HTR1E: variants seen among roughly 807,000 people sequenced by gnomAD.
The protein encoded by HTR1E is 5-hydroxytryptamine receptor 1E, also known as 5-HT-1E.
Under a neutral mutation model 3.4 loss-of-function variants are expected in HTR1E, and 3 were observed. The observed-to-expected ratio is 0.89, with a 90% CI of 0.41 to 2.31. The LOEUF (loss-of-function observed/expected upper bound fraction) is 2.31, where lower values mean the gene tolerates loss of function less well. HTR1E is among the 30% of genes most tolerant of loss of function. The pLI is 0.05. For missense variants in HTR1E, 392 were observed against 467.0 expected, an observed-to-expected ratio of 0.84 and a Z score of 1.48; for synonymous variants, 170 against 182.8, an observed-to-expected ratio of 0.93 and a Z score of 0.56.
At chr6:86,977,681 C>G (rs1243209277) in intron 1 of HTR1E, among the ~76,000 whole-genome samples, 3 of 152,154 alleles carry the variant, frequency 2.0e-5, no homozygotes, top group African/African-American at 7.2e-5. Context: ...CACAGCCTCA[C>G]CAGCATATGT....
chr6:87,010,184 G>A (rs1768190382), intron 1 of HTR1E, among the ~76,000 whole-genome samples: 1 of 112,596 alleles, frequency 8.9e-6, no homozygotes, highest in South Asian at 3.1e-4. Context: ...GCCGGGCGGG[G>A]GGCCGACCCC....
intron 1 of HTR1E, among the ~76,000 whole-genome samples, chr6:86,977,831 CTA>C (rs1328406311): frequency 2.6e-5 from 4 of 152,028 alleles, no homozygotes; most frequent in Non-Finnish European, 5.9e-5. Context: ...GCATTTTTCC[CTA>C]TGTTTGTTGG....
At chr6:86,974,167 A>C (rs1010588072) in intron 1 of HTR1E, among the ~76,000 whole-genome samples, 2 of 152,234 alleles carry the variant, frequency 1.3e-5, no homozygotes, top group Non-Finnish European at 2.9e-5. Flanking sequence ...ATTGCAATAC[A>C]GAGAACTTTT....
Position 86,951,277 on chromosome 6 carries a change from A to G in HTR1E, c.-186+13454A>G, listed in dbSNP as rs551403978. 2.6e-5 allele frequency among the ~76,000 whole-genome samples: 4 copies of G among 152,340 alleles called. No individual in the cohort carries two copies. In the South Asian group the frequency reaches 8.3e-4, roughly 32 times the overall value. ...GTGTATTATCTTGTCTACACTGATC[A>G]AGCTAGCTTGAAACTCTTCTTATCA... On this transcript the variant is annotated intron_variant, in intron 1 of 1. Coordinates refer to ENST00000305344, the MANE Select transcript of HTR1E (RefSeq NM_000865.3).
intron 1 of HTR1E, among the ~76,000 whole-genome samples, chr6:86,999,163 T>G (rs796275305): frequency 1.1e-4 from 16 of 152,222 alleles, no homozygotes; most frequent in African/African-American, 3.9e-4. Flanking sequence ...GGATTCGCCA[T>G]GTTAGTCAGT....
intron 1 of HTR1E, among the ~76,000 whole-genome samples, chr6:86,973,952 C>T (rs141803076): frequency 8.7e-4 from 133 of 152,264 alleles, no homozygotes; most frequent in African/African-American, 3.0e-3. Context: ...CAAGTCCACA[C>T]GGCCCATGTG....
rs557813711 is a variant in HTR1E at position 87,016,415 on chromosome 6, T to C, written c.1081T>C (p.Cys361Arg). The C allele has an allele frequency of 6.2e-7, 1 of 1,602,008 alleles. No homozygotes were observed. Among genetic ancestry groups the C allele is most frequent in the African/African-American group, 1.3e-5 (1 of 74,708 alleles). The change falls in exon 2 of 2, where the codon TGC becomes CGC. Residue 361 changes from cysteine (C) to arginine (R), a missense_variant. Physicochemically the swap from Cys to Arg is radical, Grantham distance 180. Around this residue, in one of 3 missense-constraint regions of HTR1E, gnomAD observed 25 missense variants for 44.1 expected, o/e 0.57. Transcript: ENST00000305344. ...FKLAFKKLIR[C>R]REHT ...GCTGGCTTTTAAAAAGCTCATTAGA[T>C]GCCGAGAGCATACTTAGACTGTAAA...
intron 1 of HTR1E, among the ~76,000 whole-genome samples, chr6:86,994,205 C>A (rs2127828474): frequency 6.6e-6 from 1 of 152,060 alleles, no homozygotes; most frequent in African/African-American, 2.4e-5. Context: ...GAAGACGGGG[C>A]TGAAAAAGTA....
chr6:86,964,337 A>G (rs1440385786), intron 1 of HTR1E, among the ~76,000 whole-genome samples: 3 of 152,222 alleles, frequency 2.0e-5, no homozygotes, highest in African/African-American at 7.2e-5. Context: ...TACTAAGTGC[A>G]TGAATATGTG....
In HTR1E at chr6:87,015,996, A is replaced by G; in HGVS notation, c.662A>G (p.His221Arg). Residue 221 changes from histidine to arginine, a missense_variant, in exon 2 of 2, where the codon CAC becomes CGC. Transcript: ENST00000305344. The part of the protein sequence containing the change: ...SLYQKRGSSR[H>R]LSNRSTDSQN... ...TACCAGAAAAGGGGATCAAGTCGGCACTTAAGCAACAGAAGCACAGATAGC... is the reference window on the plus strand; with the variant it reads ...TACCAGAAAAGGGGATCAAGTCGGCGCTTAAGCAACAGAAGCACAGATAGC... The G allele has an allele frequency of 6.2e-7, 1 of 1,614,238 alleles. No homozygotes were observed. The highest frequency in any genetic ancestry group is 8.5e-7 in the Non-Finnish European group (1 of 1,180,046).
intron 1 of HTR1E, among the ~76,000 whole-genome samples, chr6:86,984,711 G>A (rs994404525): frequency 3.3e-5 from 5 of 152,158 alleles, no homozygotes; most frequent in African/African-American, 1.2e-4. Context: ...TTGGGAAACA[G>A]ACTCCTTGCC....
At chr6:87,014,792 C>A (rs1417632606) in intron 1 of HTR1E, among the ~76,000 whole-genome samples, 2 of 151,954 alleles carry the variant, frequency 1.3e-5, no homozygotes, top group Admixed American at 1.3e-4. Flanking sequence ...CATGACACAC[C>A]AGGGCCTGTT....
chr6:86,994,798 G>A (rs1767913178), intron 1 of HTR1E, among the ~76,000 whole-genome samples: 1 of 151,272 alleles, frequency 6.6e-6, no homozygotes, highest in African/African-American at 2.4e-5. Context: ...GGTTCTCAGT[G>A]GATGTAGAGG....
At chr6:86,993,639 G>A (rs894583695) in intron 1 of HTR1E, among the ~76,000 whole-genome samples, 1 of 151,292 alleles carries the variant, frequency 6.6e-6, no homozygotes, top group African/African-American at 2.4e-5. Flanking sequence ...TTCTACCACT[G>A]CATGGCAGCA....
At chr6:86,962,070 A>T (rs1333591044) in intron 1 of HTR1E, among the ~76,000 whole-genome samples, 1 of 152,190 alleles carries the variant, frequency 6.6e-6, no homozygotes, top group African/African-American at 2.4e-5. Context: ...CACTGGGTGT[A>T]CAGCTCATGA....
At chr6:86,987,280 C>T (rs894016222) in intron 1 of HTR1E, among the ~76,000 whole-genome samples, 3 of 152,100 alleles carry the variant, frequency 2.0e-5, no homozygotes, top group African/African-American at 7.2e-5. Context: ...CTAAAGCTTT[C>T]TTAGGTTTTT....
intron 1 of HTR1E, among the ~76,000 whole-genome samples, chr6:86,966,287 A>C (rs906869260): frequency 5.3e-5 from 8 of 152,210 alleles, no homozygotes; most frequent in Admixed American, 5.2e-4. Context: ...AGAGAAAAGT[A>C]AGAAGGAAAT....
rs1244883800 is a variant in HTR1E, at chr6:87,015,147, C to A, written c.-185-3C>A. Reference sequence around the variant, plus strand: ...CATTAACCAATAGCATAATATTTTCCAGGAACCTTCACTCAGAAGAAATGC... The same window carrying A: ...CATTAACCAATAGCATAATATTTTCAAGGAACCTTCACTCAGAAGAAATGC... On this transcript the variant is annotated splice_polypyrimidine_tract_variant and splice_region_variant and intron_variant, in intron 1 of 1. Transcript: ENST00000305344. The A allele has an allele frequency of 5.0e-6, 2 of 402,434 alleles. No homozygotes were observed. Among genetic ancestry groups the A allele is most frequent in the Non-Finnish European group, 8.7e-6 (2 of 228,756 alleles). The allele number at this position is 402,434 out of a possible 1,614,324, so 24.9% of individuals were successfully genotyped here.
At chr6:86,994,621 A>G (rs1016848836) in intron 1 of HTR1E, among the ~76,000 whole-genome samples, 5 of 152,022 alleles carry the variant, frequency 3.3e-5, no homozygotes, top group Non-Finnish European at 5.9e-5. Context: ...AAGAATAGCT[A>G]AAGAAAGTTC....
Sources: allele counts gnomAD v4.1 joint callset (sites outside exome capture counted in the v4.1 genomes callset), GRCh38; gene constraint gnomAD v4.1.1; regional missense constraint gnomAD v4.1.1; transcripts MANE v1.5; gene names NCBI Gene and HGNC (gene_info 2026-07-23, HGNC 2026-07-21).